Variants in CABLES2 observed in about 807,000 individuals in gnomAD.
CABLES2 encodes Cdk5 and Abl enzyme substrate 2.
CABLES2 carries 35 observed loss-of-function variants against 44.8 expected under a neutral mutation model. The ratio of observed to expected loss-of-function variants is 0.78; its 90% CI spans 0.60 to 1.04. The LOEUF is 1.04. Among genes scored for constraint, CABLES2 ranks in the 50% least tolerant of loss-of-function variants. CABLES2 has a pLI of 0.00. For synonymous variants in CABLES2, 282 were observed against 281.1 expected (o/e 1.00, Z -0.03); for missense variants, 566 against 615.7 (o/e 0.92, Z 0.85).
rs1211761727 is a variant in CABLES2, at chr20:62,392,565, A to G, written c.985-70T>C. On this transcript the variant is annotated intron_variant, in intron 7 of 9. Coordinates refer to ENST00000279101, the MANE Select transcript of CABLES2 (RefSeq NM_031215.3). ...CCATGGGTCCTGCCTGCTGGGTACG[A>G]TGGATTTCTCACTGTCCTGGGTTTG... is the stretch of plus-strand genomic sequence containing the variant. 5 of 1,132,822 alleles carry G rather than the reference A, an allele frequency of 4.4e-6. No homozygotes were observed. The Admixed American group carries it at 6.9e-5, about 16-fold the overall frequency. The allele number at this position is 1,132,822 out of a possible 1,614,324, so 70.2% of individuals were successfully genotyped here.
At position 62,391,429 on chromosome 20, in the gene CABLES2, C is replaced by T. The variant is rs1395483069; in HGVS notation, c.1116G>A (p.Leu372=). The T allele has an allele frequency of 3.7e-6, 6 of 1,613,210 alleles. No homozygotes were observed. Among genetic ancestry groups the T allele is most frequent in the African/African-American group, 1.3e-5 (1 of 75,068 alleles). The change falls in exon 9 of 10, where the codon CTG becomes CTA. Residue 372 remains leucine (L), a synonymous_variant. Transcript: ENST00000279101. This position sits in a 1 kb window ranked among gnomAD's most constrained non-coding sequence, Gnocchi z 5.7. The part of the protein sequence containing the change: ...IRSLKREMRS[L]SEECSLEPVT... ...CGGGCTCCAGGCTGCACTCCTCCGA[C>T]AGGCTCCGCATCTCCCGCTTTAAGC...
At position 62,393,001 on chromosome 20, in the gene CABLES2, C is replaced by T. The variant is rs1342160287; in HGVS notation, c.903G>A (p.Leu301=). ...TELGSDVGDT[L]EYNPNLLDDP... ...CATCCAGGAGGTTGGGGTTGTACTC[C>T]AGGGTGTCCCCCACGTCACTCCCTG... Residue 301 remains leucine (L), a synonymous_variant, in exon 7 of 10, where the codon CTG becomes CTA. Coordinates refer to ENST00000279101, the MANE Select transcript of CABLES2 (RefSeq NM_031215.3). The T allele has an allele frequency of 1.2e-6, 2 of 1,613,964 alleles. No individual in the cohort carries two copies. The highest frequency in any genetic ancestry group is 1.7e-6 in the Non-Finnish European group (2 of 1,179,972).
Position 62,391,392 on chromosome 20 carries a change from T to C in CABLES2, c.1153A>G (p.Met385Val), listed in dbSNP as rs1293177002. ...ECSLEPVTVA[M>V]AYVYFEKLVL... Reference sequence around the variant, plus strand: ...AGCTTCTCAAAGTACACGTAGGCCATGGCCACCGTCACGGGCTCCAGGCTG... The same window carrying C: ...AGCTTCTCAAAGTACACGTAGGCCACGGCCACCGTCACGGGCTCCAGGCTG... Residue 385 changes from methionine to valine, a missense_variant, in exon 9 of 10, where the codon ATG (methionine) becomes GTG (valine). By Grantham distance (21) the Met-to-Val change is conservative. Around this residue, in one of 2 missense-constraint regions of CABLES2, gnomAD observed 436 missense variants for 536.3 expected, o/e 0.81. Coordinates refer to ENST00000279101, the MANE Select transcript of CABLES2 (RefSeq NM_031215.3). The surrounding 1 kb of genome is among the most constrained non-coding windows in gnomAD (Gnocchi z 5.7). The C allele has an allele frequency of 2.5e-6, 4 of 1,613,254 alleles. No homozygotes were observed. The highest frequency in any genetic ancestry group is 3.4e-6 in the Non-Finnish European group (4 of 1,180,028).
Position 62,406,227 on chromosome 20 carries a change from G to A in CABLES2, c.362+688C>T, listed in dbSNP as rs375345052. Among the ~76,000 whole-genome samples the A allele has an allele frequency of 1.1e-3, 174 of 152,210 alleles. 2 individuals carry two copies. Among genetic ancestry groups the A allele is most frequent in the African/African-American group, 4.0e-3 (165 of 41,514 alleles). On this transcript the variant is annotated intron_variant, in intron 1 of 9. Coordinates refer to ENST00000279101, the MANE Select transcript of CABLES2 (RefSeq NM_031215.3). ...GATGTGGCTGTGCAGGGGCCTCTGG[G>A]AACAGGTGTCAGTGACAGTGCCAGG... is the stretch of plus-strand genomic sequence containing the variant.
chr20:62,398,747 CA>C (rs1988133180), intron 1 of CABLES2, among the ~76,000 whole-genome samples: 1 of 152,276 alleles, frequency 6.6e-6, no homozygotes, highest in Non-Finnish European at 1.5e-5. Flanking sequence ...GGGTTGGGCA[CA>C]GCCACAGTCC....
intron 1 of CABLES2, among the ~76,000 whole-genome samples, chr20:62,398,024 G>T (rs1311388598): frequency 7.0e-6 from 1 of 142,984 alleles, no homozygotes; most frequent in Non-Finnish European, 1.6e-5. Flanking sequence ...CGGTGGTGGT[G>T]GTGGTGACAG....
intron 4 of CABLES2, 93 bp downstream of exon 4, chr20:62,394,844 A>G: frequency 4.4e-6 from 5 of 1,145,538 alleles, no homozygotes; most frequent in Non-Finnish European, 6.2e-6. Flanking sequence ...CTGGGGGCGC[A>G]GTGCCCGCTG....
intron 6 of CABLES2, 129 bp from the exon 7 acceptor site, chr20:62,393,152 CCTGAAG>C: frequency 1.2e-6 from 1 of 832,712 alleles, no homozygotes; most frequent in Non-Finnish European, 1.9e-6. Flanking sequence ...ATGGTTCTCT[CCTGAAG>C]GGCCCAGGGC....
chr20:62,393,110 G>A (rs1420731522), intron 6 of CABLES2, 87 bp from the exon 7 acceptor site: 3 of 1,222,068 alleles, frequency 2.5e-6, no homozygotes, highest in Non-Finnish European at 3.6e-6. Context: ...GCCATGGCGG[G>A]GCAAGGCCGA....
At position 62,391,891 on chromosome 20, in the gene CABLES2, C is replaced by T. The variant is rs908208835; in HGVS notation, c.1092-438G>A. On this transcript the variant is annotated intron_variant, in intron 8 of 9. Coordinates refer to ENST00000279101, the MANE Select transcript of CABLES2 (RefSeq NM_031215.3). This position sits in a 1 kb window ranked among gnomAD's most constrained non-coding sequence, Gnocchi z 5.7. Reference sequence around the variant, plus strand: ...CAGTACAGGGCCGTGGCCAGGAGCCCGACGTGAGCCCAGCAGTTCCGCCGC... The same window carrying T: ...CAGTACAGGGCCGTGGCCAGGAGCCTGACGTGAGCCCAGCAGTTCCGCCGC... Among the ~76,000 whole-genome samples the T allele has an allele frequency of 6.6e-6, 1 of 151,956 alleles. No individual in the cohort carries two copies. The highest frequency in any genetic ancestry group is 2.4e-5 in the African/African-American group (1 of 41,358).
chr20:62,400,604 C>T (rs149722745), intron 1 of CABLES2, among the ~76,000 whole-genome samples: 1 of 152,218 alleles, frequency 6.6e-6, no homozygotes, highest in East Asian at 1.9e-4. Flanking sequence ...TCTGGAAGCT[C>T]CTTCCCACGG....
At chr20:62,400,377 G>A (rs1275032179) in intron 1 of CABLES2, among the ~76,000 whole-genome samples, 1 of 152,220 alleles carries the variant, frequency 6.6e-6, no homozygotes, top group Non-Finnish European at 1.5e-5. Context: ...GGCAGACGCC[G>A]GCTGTCCCGA....
chr20:62,393,696 C>T, intron 5 of CABLES2, 91 bp from the exon 6 acceptor site: 1 of 1,367,474 alleles, frequency 7.3e-7, no homozygotes, highest in Non-Finnish European at 9.9e-7. Context: ...GACGCACATG[C>T]CAGGAGCCCT....
chr20:62,400,974 G>C (rs1988177575), intron 1 of CABLES2, among the ~76,000 whole-genome samples: 1 of 152,214 alleles, frequency 6.6e-6, no homozygotes, highest in African/African-American at 2.4e-5. Context: ...GCAGCATTCT[G>C]ACGCTCAGTT....
chr20:62,398,320 A>G (rs112817498), intron 1 of CABLES2, among the ~76,000 whole-genome samples: 948 of 64,262 alleles, frequency 0.015, 4 homozygotes, highest in South Asian at 0.043. Context: ...TGGTGATGGC[A>G]GTGGTGGTGA....
chr20:62,391,058 G>T lies in CABLES2; in HGVS notation c.1350C>A (p.Phe450Leu), dbSNP rs750303048. Reference sequence around the variant, plus strand: ...CCAGCTCCAAGGCCACGAGCACTGTGAACTCAAACCCTATCAGGTCGCGCC... The same window carrying T: ...CCAGCTCCAAGGCCACGAGCACTGTTAACTCAAACCCTATCAGGTCGCGCC... ...FNRRDLIGFE[F>L]TVLVALELAL... Residue 450 changes from phenylalanine (F) to leucine (L), a missense_variant, in exon 10 of 10, where the codon TTC (phenylalanine) becomes TTA (leucine). Physicochemically the swap from Phe to Leu is conservative, Grantham distance 22. Around this residue, in one of 2 missense-constraint regions of CABLES2, gnomAD observed 436 missense variants for 536.3 expected, o/e 0.81. Coordinates refer to ENST00000279101, the MANE Select transcript of CABLES2 (RefSeq NM_031215.3). The surrounding 1 kb of genome is among the most constrained non-coding windows in gnomAD (Gnocchi z 5.7). 6.2e-7 allele frequency: 1 copy of T among 1,614,042 alleles called. No individual in the cohort carries two copies.
At position 62,393,547 on chromosome 20, in the gene CABLES2, TCA is replaced by T; in HGVS notation, c.771_772del (p.Ser257ArgfsTer23). ...AGGTGTGGGCAGCAGGCCATGGCTG[TCA>T]CTCTTGTGTGTGACCAGGGCGTTGG... On this transcript the variant is annotated frameshift_variant, in exon 6 of 10. Transcript: ENST00000279101. LOFTEE classifies it high-confidence loss of function. The T allele has an allele frequency of 6.2e-7, 1 of 1,612,782 alleles. No homozygotes were observed. The highest frequency in any genetic ancestry group is 8.5e-7 in the Non-Finnish European group (1 of 1,179,288).
intron 1 of CABLES2, chr20:62,403,844 G>A (rs959285957): frequency 6.6e-6 from 1 of 152,270 alleles, no homozygotes; most frequent in African/African-American, 2.4e-5. Context: ...GCCTCCCTGG[G>A]AAAGAATAAG....
At chr20:62,392,889 C>T (rs2146418699) in intron 7 of CABLES2, 31 bp downstream of exon 7, 2 of 1,597,250 alleles carry the variant, frequency 1.3e-6, no homozygotes, top group Non-Finnish European at 1.7e-6. Flanking sequence ...GTGCAGCTGC[C>T]TGCACCCAGG....
Sources: gnomAD v4.1 joint callset for allele counts (sites outside exome capture counted in the v4.1 genomes callset) on GRCh38, gnomAD v4.1.1 for gene constraint, gnomAD v4.1.1 regional missense constraint, Gnocchi (gnomAD v3.1) non-coding constraint, MANE v1.5 for transcripts, NCBI Gene and HGNC (gene_info 2026-07-23, HGNC 2026-07-21) for gene names.